The following TEKT3 variants were observed in gnomAD, a reference collection of about 807,000 sequenced individuals.
TEKT3 encodes tektin 3.
Under a neutral mutation model 49.8 loss-of-function variants are expected in TEKT3, and 49 were observed. The ratio of observed to expected loss-of-function variants is 0.98; its 90% CI spans 0.78 to 1.25. TEKT3 has a LOEUF of 1.25. TEKT3 is among the 50% of genes most tolerant of loss of function. The probability of loss-of-function intolerance (pLI) is 0.00; values close to 1 mark genes in which losing one functional copy is unlikely to be tolerated. For missense variants in TEKT3, 595 were observed against 629.5 expected (o/e 0.95, Z 0.59); for synonymous variants, 225 against 237.2 (o/e 0.95, Z 0.47).
chr17:15,338,671 ATTTTTTTTTTTTTT>A (rs60841981), intron 2 of TEKT3: 1 of 94,060 alleles, frequency 1.1e-5, no homozygotes, highest in Non-Finnish European at 1.9e-5. Flanking sequence ...CACCTGGCTA[ATTTTTTTTTTTTTT>A]TTTTTTTTTT....
chr17:15,314,294 G>A (rs939888724), intron 5 of TEKT3, 64 bp from the exon 6 acceptor site: 5 of 1,592,168 alleles, frequency 3.1e-6, no homozygotes, highest in East Asian at 2.3e-5. Flanking sequence ...AAGGACACAT[G>A]AGTGCCCTTC....
rs1373181391 is a variant in TEKT3 at position 15,327,831 on chromosome 17, T to A, written c.663+161A>T. 4 of 567,514 alleles carry A rather than the reference T, an allele frequency of 7.0e-6. No homozygotes were observed. The African/African-American group carries it at 7.4e-5, about 11-fold the overall frequency. The allele number at this position is 567,514 out of a possible 1,614,324, so 35.2% of individuals were successfully genotyped here. A position where few individuals can be genotyped will look rare whatever the true frequency, so the allele number is the denominator to read the frequency against. On this transcript the variant is annotated intron_variant, in intron 4 of 8. Coordinates refer to ENST00000395930, the MANE Select transcript of TEKT3 (RefSeq NM_031898.3). Reference sequence around the variant, plus strand: ...TTTCATATTCTCATTGAATATATGTTATAACCAAGAAAAACATGTCTTTGC... The same window carrying A: ...TTTCATATTCTCATTGAATATATGTAATAACCAAGAAAAACATGTCTTTGC...
chr17:15,332,088 A>G (rs1296078913), intron 2 of TEKT3, among the ~76,000 whole-genome samples: 1 of 149,808 alleles, frequency 6.7e-6, no homozygotes, highest in Non-Finnish European at 1.5e-5. Context: ...CTGAGGCAGG[A>G]GAATCGCTTG....
rs762248034 is a variant in TEKT3, at chr17:15,314,110, G to A, written c.855C>T (p.Arg285=). Residue 285 remains arginine (R), a synonymous_variant, in exon 6 of 9, where the codon CGC becomes CGT. Transcript: ENST00000395930. ...ACGTTGCATCGACCCTCTCCACTCC[G>A]CGGAAGTAGCCGACACCGTCTGATG... The part of the protein sequence containing the change: ...RNTSDGVGYF[R]GVERVDATVS... 1.4e-5 allele frequency: 22 copies of A among 1,614,090 alleles called. No individual in the cohort carries two copies. Among genetic ancestry groups the A allele is most frequent in the African/African-American group, 2.7e-5 (2 of 74,936 alleles).
intron 5 of TEKT3, among the ~76,000 whole-genome samples, chr17:15,314,607 CTTCCTT>C (rs796315569): frequency 4.6e-5 from 7 of 152,178 alleles, no homozygotes; most frequent in Non-Finnish European, 8.8e-5. Flanking sequence ...CCTTCCATTC[CTTCCTT>C]TTCCTTTTCC....
intron 3 of TEKT3, among the ~76,000 whole-genome samples, chr17:15,330,464 T>C (rs1038315336): frequency 1.3e-5 from 2 of 152,144 alleles, no homozygotes; most frequent in African/African-American, 4.8e-5. Flanking sequence ...ATGAGTTCTC[T>C]GGAGATCTGG....
upstream of TEKT3, among the ~76,000 whole-genome samples, chr17:15,342,369 G>A (rs999450809): frequency 5.3e-5 from 8 of 152,314 alleles, no homozygotes; most frequent in South Asian, 2.1e-4. Flanking sequence ...CAGTCTAACC[G>A]TGTGAGCAGC....
chr17:15,323,568 G>A (rs1002786446), intron 4 of TEKT3, among the ~76,000 whole-genome samples: 1 of 152,218 alleles, frequency 6.6e-6, no homozygotes, highest in Non-Finnish European at 1.5e-5. Context: ...GAATTCAGCA[G>A]AATTCATAAG....
upstream of TEKT3, among the ~76,000 whole-genome samples, chr17:15,342,941 T>C (rs1912278340): frequency 6.6e-6 from 1 of 152,256 alleles, no homozygotes. Flanking sequence ...GCTGTCTTTT[T>C]TTATTACTTT....
chr17:15,314,151 G>A lies in TEKT3; in HGVS notation c.814C>T (p.His272Tyr). 6.2e-7 allele frequency: 1 copy of A among 1,614,224 alleles called. No homozygotes were observed. Among genetic ancestry groups the A allele is most frequent in the African/African-American group, 1.3e-5 (1 of 75,078 alleles). ...CCGTCTGATGTGTTGCGCAGGTGGTGGCATTTGTCGTCGATCCGGTAAGCC... is the reference window on the plus strand; with the variant it reads ...CCGTCTGATGTGTTGCGCAGGTGGTAGCATTTGTCGTCGATCCGGTAAGCC... Reference protein sequence around the residue: ...QTAYRIDDKCHHLRNTSDGVG... With the variant: ...QTAYRIDDKCYHLRNTSDGVG... The change falls in exon 6 of 9, where the codon CAC (histidine) becomes TAC (tyrosine). Residue 272 changes from histidine to tyrosine, a missense_variant. His to Tyr is a moderately conservative substitution (Grantham distance 83, BLOSUM62 2). Coordinates refer to ENST00000395930, the MANE Select transcript of TEKT3 (RefSeq NM_031898.3).
At chr17:15,334,286 C>T (rs1312879200) in intron 2 of TEKT3, among the ~76,000 whole-genome samples, 1 of 152,006 alleles carries the variant, frequency 6.6e-6, no homozygotes, top group Non-Finnish European at 1.5e-5. Flanking sequence ...AAACTCCTGG[C>T]CACAAGTGAT....
intron 2 of TEKT3, among the ~76,000 whole-genome samples, chr17:15,332,549 C>T (rs12452683): frequency 0.067 from 10,263 of 152,234 alleles, 786 homozygotes; most frequent in African/African-American, 0.19. Flanking sequence ...TAAATAAACA[C>T]TCCATCTGGA....
At chr17:15,312,109 T>C in intron 7 of TEKT3, 150 bp downstream of exon 7, 2 of 648,560 alleles carry the variant, frequency 3.1e-6, no homozygotes, top group Middle Eastern at 3.4e-4. Context: ...ATAAATGGCA[T>C]GCTTTGTGCT....
chr17:15,321,035 A>G (rs1911230523), intron 4 of TEKT3, among the ~76,000 whole-genome samples: 1 of 142,510 alleles, frequency 7.0e-6, no homozygotes, highest in South Asian at 2.2e-4. Flanking sequence ...TTTGAGATGG[A>G]GTCTTGCTCT....
rs779094945 is a variant in TEKT3, at chr17:15,312,366, T to A, written c.994A>T (p.Thr332Ser). 5 of 1,614,230 alleles carry A rather than the reference T, an allele frequency of 3.1e-6. No individual in the cohort carries two copies. The Admixed American group carries it at 8.3e-5, about 27-fold the overall frequency. ...RDDIENLLVV[T>S]ANEMWNQFNK... ...AATTGATTCCACATCTCATTGGCAGTCACAACCAAGAGGTTTTCAATGTCG... is the reference window on the plus strand; with the variant it reads ...AATTGATTCCACATCTCATTGGCAGACACAACCAAGAGGTTTTCAATGTCG... The change falls in exon 7 of 9, where the codon ACT becomes TCT. Residue 332 changes from threonine (T) to serine (S), a missense_variant. By Grantham distance (58) the Thr-to-Ser change is moderately conservative. Coordinates refer to ENST00000395930, the MANE Select transcript of TEKT3 (RefSeq NM_031898.3).
Position 15,303,884 on chromosome 17 carries a change from G to T in TEKT3, c.*52C>A. ...CATTCGGTTCAAATGCTGAGACAGT[G>T]CTCTGGCTCAGCCTTAACTTAGGGG... On this transcript the variant is annotated 3_prime_UTR_variant, in exon 9 of 9. Transcript: ENST00000395930. The T allele has an allele frequency of 1.3e-6, 2 of 1,526,130 alleles. No individual in the cohort carries two copies. The highest frequency in any genetic ancestry group is 1.8e-6 in the Non-Finnish European group (2 of 1,101,916). The allele number at this position is 1,526,130 out of a possible 1,614,324, so 94.5% of individuals were successfully genotyped here.
chr17:15,341,156 C>A (rs1413188757), intron 1 of TEKT3, among the ~76,000 whole-genome samples: 1 of 152,168 alleles, frequency 6.6e-6, no homozygotes, highest in Non-Finnish European at 1.5e-5. Flanking sequence ...CGAGGAACAG[C>A]GTGCGGGGCG....
chr17:15,343,201 A>T (rs1912285788), upstream of TEKT3, among the ~76,000 whole-genome samples: 1 of 152,252 alleles, frequency 6.6e-6, no homozygotes, highest in South Asian at 2.1e-4. Flanking sequence ...TCAATGTCTG[A>T]TTTAAAAATA....
chr17:15,328,699 T>C (rs1014357860), intron 3 of TEKT3, among the ~76,000 whole-genome samples: 1 of 152,176 alleles, frequency 6.6e-6, no homozygotes, highest in African/African-American at 2.4e-5. Flanking sequence ...ATATTATGCT[T>C]TTTAGTATTG....
Sources: allele counts gnomAD v4.1 joint callset (sites outside exome capture counted in the v4.1 genomes callset), GRCh38; gene constraint gnomAD v4.1.1; transcripts MANE v1.5; gene names NCBI Gene and HGNC (gene_info 2026-07-23, HGNC 2026-07-21).